ACOXL: variants seen among roughly 807,000 people sequenced by gnomAD.
ACOXL encodes the protein acyl-coenzyme A oxidase-like protein.
A neutral mutation model predicts 71.9 loss-of-function variants in ACOXL; 70 were observed. The ratio of observed to expected loss-of-function variants is 0.97; its 90% confidence interval spans 0.80 to 1.19. The LOEUF is 1.19. Among genes scored for constraint, ACOXL ranks in the 50% most tolerant of loss-of-function variants. The pLI, the probability that ACOXL is intolerant of heterozygous loss-of-function variation, is 0.00. For missense variants in ACOXL, 703 were observed against 736.3 expected, an observed-to-expected ratio of 0.95 and a Z score of 0.52; for synonymous variants, 253 against 281.6, an observed-to-expected ratio of 0.90 and a Z score of 1.02.
chr2:110,792,816 A>G (rs1399914114), intron 3 of ACOXL, among the ~76,000 whole-genome samples: 3 of 152,088 alleles, frequency 2.0e-5, no homozygotes, highest in Non-Finnish European at 4.4e-5. Context: ...AAACAAAAAC[A>G]AAAAACCCAC....
In ACOXL at chr2:110,800,610, A is replaced by C. The variant is rs140768997; in HGVS notation, c.548-1042A>C. ...CCAGTGACCACTCAGGGCCAAGATC[A>C]TGCCAAGCCAAGGAAGGGAGACTGG... On this transcript the variant is annotated intron_variant, in intron 7 of 17. Coordinates refer to ENST00000439055, the MANE Select transcript of ACOXL (RefSeq NM_001142807.4). 2.4e-3 allele frequency among the ~76,000 whole-genome samples: 366 copies of C among 152,082 alleles called. 1 individual carries two copies. The highest frequency in any genetic ancestry group is 8.2e-3 in the African/African-American group (342 of 41,458).
At chr2:111,092,442 A>G (rs2068577558) in intron 16 of ACOXL, among the ~76,000 whole-genome samples, 1 of 152,198 alleles carries the variant, frequency 6.6e-6, no homozygotes. Context: ...TACCCAAACC[A>G]TGCTCAATGG....
At chr2:110,789,649 A>G (rs909990413) in intron 3 of ACOXL, among the ~76,000 whole-genome samples, 2 of 152,150 alleles carry the variant, frequency 1.3e-5, no homozygotes, top group Non-Finnish European at 2.9e-5. Flanking sequence ...AGCTCATCTA[A>G]CTTTGATCAT....
chr2:111,003,138 CTGTG>C (rs1472985403), intron 14 of ACOXL, among the ~76,000 whole-genome samples: 1 of 151,936 alleles, frequency 6.6e-6, no homozygotes, highest in East Asian at 1.9e-4. Flanking sequence ...TCATTTTTTC[CTGTG>C]TGTATTTTCT....
chr2:110,772,101 A>G (rs767190926), intron 2 of ACOXL, among the ~76,000 whole-genome samples: 1 of 152,210 alleles, frequency 6.6e-6, no homozygotes, highest in Non-Finnish European at 1.5e-5. Context: ...AACATCCCTC[A>G]TGGCATTCCC....
intron 17 of ACOXL, among the ~76,000 whole-genome samples, chr2:111,113,586 A>C (rs1209513116): frequency 6.6e-6 from 1 of 152,166 alleles, no homozygotes; most frequent in Non-Finnish European, 1.5e-5. Flanking sequence ...TGCACAGCAG[A>C]GATGGATCCT....
At chr2:110,960,697 GTTT>G (rs70958751) in intron 12 of ACOXL, among the ~76,000 whole-genome samples, 2 of 143,000 alleles carry the variant, frequency 1.4e-5, no homozygotes, top group African/African-American at 2.6e-5. Flanking sequence ...AATTTTCTGG[GTTT>G]TTTTTTTTAA....
intron 10 of ACOXL, among the ~76,000 whole-genome samples, chr2:110,896,624 G>A (rs912289835): frequency 6.6e-6 from 1 of 152,160 alleles, no homozygotes; most frequent in Non-Finnish European, 1.5e-5. Flanking sequence ...TAAATTTTCA[G>A]AGATAATAAA....
At chr2:110,752,046 G>A (rs1474592948) in intron 1 of ACOXL, among the ~76,000 whole-genome samples, 3 of 143,708 alleles carry the variant, frequency 2.1e-5, no homozygotes, top group Admixed American at 7.0e-5. Context: ...TTTTCCAGAT[G>A]GAGTCTTGCT....
chr2:111,037,125 G>T (rs751967546), intron 15 of ACOXL, among the ~76,000 whole-genome samples: 73 of 152,278 alleles, frequency 4.8e-4, no homozygotes, highest in South Asian at 1.5e-3. Flanking sequence ...ACATCCTGCA[G>T]GTTGTGCCCG....
intron 11 of ACOXL, among the ~76,000 whole-genome samples, chr2:110,910,166 G>A (rs1183106266): frequency 6.6e-6 from 1 of 152,136 alleles, no homozygotes; most frequent in Non-Finnish European, 1.5e-5. Flanking sequence ...CCACAGCAGA[G>A]CCAGTTTTCT....
chr2:110,873,496 T>C (rs1489374855), intron 10 of ACOXL, among the ~76,000 whole-genome samples: 1 of 152,208 alleles, frequency 6.6e-6, no homozygotes, highest in Non-Finnish European at 1.5e-5. Flanking sequence ...ATCTTATGTA[T>C]GCCTCTCAGC....
chr2:110,762,505 C>A (rs796886309), intron 1 of ACOXL, among the ~76,000 whole-genome samples: 65 of 152,036 alleles, frequency 4.3e-4, no homozygotes, highest in African/African-American at 1.5e-3. Flanking sequence ...ATATCGCATT[C>A]TATATTTTCT....
chr2:111,061,133 C>T (rs575982875), intron 16 of ACOXL, among the ~76,000 whole-genome samples: 17 of 151,902 alleles, frequency 1.1e-4, no homozygotes, highest in Non-Finnish European at 2.2e-4. Context: ...GAAAAATCCC[C>T]CAATTTGACA....
chr2:111,013,295 C>T (rs978173339), intron 14 of ACOXL, among the ~76,000 whole-genome samples: 1 of 152,034 alleles, frequency 6.6e-6, no homozygotes, highest in African/African-American at 2.4e-5. Context: ...GAGGCCAAGG[C>T]ATGTGGATTG....
At chr2:110,895,009 T>A (rs2058950706) in intron 10 of ACOXL, among the ~76,000 whole-genome samples, 1 of 152,054 alleles carries the variant, frequency 6.6e-6, no homozygotes. Flanking sequence ...CAAATGAAAA[T>A]CACTCACTAT....
intron 8 of ACOXL, among the ~76,000 whole-genome samples, chr2:110,802,222 C>T (rs573180624): frequency 2.0e-5 from 3 of 152,128 alleles, no homozygotes; most frequent in Non-Finnish European, 4.4e-5. Flanking sequence ...TCCTTCCCCC[C>T]CCTGCCATTA....
intron 16 of ACOXL, among the ~76,000 whole-genome samples, chr2:111,062,789 C>T (rs989569761): frequency 6.6e-6 from 1 of 151,774 alleles, no homozygotes; most frequent in Non-Finnish European, 1.5e-5. Context: ...GCAAAGAATG[C>T]AGAAGTAAGT....
At chr2:110,881,739 C>G (rs1696676442) in intron 10 of ACOXL, among the ~76,000 whole-genome samples, 1 of 152,176 alleles carries the variant, frequency 6.6e-6, no homozygotes, top group East Asian at 1.9e-4. Context: ...ACAGTATATA[C>G]TCATTTCAGT....
Sources: gnomAD v4.1 joint callset for allele counts (sites outside exome capture counted in the v4.1 genomes callset) on GRCh38, gnomAD v4.1.1 for gene constraint, MANE v1.5 for transcripts, NCBI Gene and HGNC (gene_info 2026-07-23, HGNC 2026-07-21) for gene names.